Variants in DNAH9 observed in about 807,000 individuals in gnomAD.
The protein encoded by DNAH9 is dynein axonemal heavy chain 9.
DNAH9 carries 345 observed loss-of-function variants against 471.6 expected under a neutral mutation model. The ratio of observed to expected loss-of-function variants is 0.73; its 90% CI spans 0.67 to 0.80. The LOEUF (loss-of-function observed/expected upper bound fraction) is 0.80, where lower values mean the gene tolerates loss of function less well. Among genes scored for constraint, DNAH9 ranks in the 30% least tolerant of loss-of-function variants. The probability of loss-of-function intolerance (pLI) is 0.00; values close to 1 mark genes in which losing one functional copy is unlikely to be tolerated. For synonymous variants in DNAH9, 2,093 were observed against 2,123.6 expected (o/e 0.99, Z 0.40); for missense variants, 5,407 against 5,609.2 (o/e 0.96, Z 1.15).
intron 14 of DNAH9, among the ~76,000 whole-genome samples, chr17:11,654,500 G>A (rs1284956057): frequency 6.6e-6 from 1 of 151,300 alleles, no homozygotes. Context: ...AAAAAATTCA[G>A]ACAAATCACA....
At chr17:11,889,830 C>T (rs1972995498) in intron 57 of DNAH9, among the ~76,000 whole-genome samples, 1 of 152,082 alleles carries the variant, frequency 6.6e-6, no homozygotes, top group Non-Finnish European at 1.5e-5. Flanking sequence ...ATTACAAAAG[C>T]CGATGAGTAT....
In DNAH9 at chr17:11,854,214, C is replaced by A; in HGVS notation, c.9719C>A (p.Ala3240Asp). 6.2e-7 allele frequency: 1 copy of A among 1,614,208 alleles called. No individual in the cohort carries two copies. The highest frequency in any genetic ancestry group is 8.5e-7 in the Non-Finnish European group (1 of 1,180,046). Reference sequence around the variant, plus strand: ...AACATTCACGAGAACTGCCTCAAAGCCATCAGGCCGTATCTGCAAGACCCC... The same window carrying A: ...AACATTCACGAGAACTGCCTCAAAGACATCAGGCCGTATCTGCAAGACCCC... ...KENIHENCLK[A>D]IRPYLQDPEF... Residue 3240 changes from alanine (A) to aspartate (D), a missense_variant, in exon 50 of 69, where the codon GCC becomes GAC. Ala to Asp is a moderately radical substitution (Grantham distance 126). This residue lies in a region of DNAH9 where 4,636 missense variants were observed against 4,900.3 expected (regional missense o/e 0.95). Transcript: ENST00000262442.
rs199556282 is a variant in DNAH9, at chr17:11,784,551, G to A, written c.8061+12G>A. ...CCAACATTTTCCAGGTGAGTTCATC[G>A]GCTCCGAGACACCCTAGGGGCTTAG... On this transcript the variant is annotated intron_variant, in intron 41 of 68. Coordinates refer to ENST00000262442, the MANE Select transcript of DNAH9 (RefSeq NM_001372.4). 9.2e-5 allele frequency: 148 copies of A among 1,614,008 alleles called. No homozygotes were observed. Among genetic ancestry groups the A allele is most frequent in the Non-Finnish European group, 1.2e-4 (139 of 1,180,006 alleles).
chr17:11,720,386 T>A lies in DNAH9; in HGVS notation c.5709+896T>A, dbSNP rs574866085. On this transcript the variant is annotated intron_variant, in intron 27 of 68. Transcript: ENST00000262442. ...TTATATTAGTTGTATCTCCTAATGC[T>A]ATCCCTCCCCGCTTCCCCCACCCCA... Among the ~76,000 whole-genome samples, 11 of 152,306 alleles carry A rather than the reference T, an allele frequency of 7.2e-5. No homozygotes were observed. In the South Asian group the frequency reaches 8.3e-4, roughly 11 times the overall value.
At chr17:11,723,593 A>G (rs1409802472) in intron 27 of DNAH9, 1 of 152,102 alleles carries the variant, frequency 6.6e-6, no homozygotes, top group African/African-American at 2.4e-5. Flanking sequence ...CCTTTATTTT[A>G]TGTTTTGAGT....
At chr17:11,794,036 A>ATT (rs35741238) in intron 42 of DNAH9, among the ~76,000 whole-genome samples, 3,458 of 80,892 alleles carry the variant, frequency 0.043, 471 homozygotes, top group African/African-American at 0.16. Context: ...ATTTTGAGCA[A>ATT]TTTTTTTTTT....
intron 59 of DNAH9, among the ~76,000 whole-genome samples, chr17:11,898,034 C>T (rs954156190): frequency 6.6e-6 from 1 of 152,184 alleles, no homozygotes; most frequent in African/African-American, 2.4e-5. Flanking sequence ...AGCATAACTC[C>T]AGGGTCTGTC....
intron 57 of DNAH9, among the ~76,000 whole-genome samples, chr17:11,891,262 T>C (rs574751228): frequency 6.4e-4 from 98 of 152,360 alleles, no homozygotes; most frequent in Admixed American, 2.2e-3. Flanking sequence ...CTTATAGCTA[T>C]GTAATAATTC....
intron 14 of DNAH9, among the ~76,000 whole-genome samples, chr17:11,655,364 G>A (rs943487151): frequency 6.7e-6 from 1 of 149,288 alleles, no homozygotes; most frequent in Non-Finnish European, 1.5e-5. Flanking sequence ...GTGTGTGTGT[G>A]TGTGTGTGTG....
At chr17:11,756,105 G>A (rs887379159) in intron 33 of DNAH9, among the ~76,000 whole-genome samples, 3 of 151,936 alleles carry the variant, frequency 2.0e-5, no homozygotes, top group Non-Finnish European at 4.4e-5. Flanking sequence ...GCGAAACCCC[G>A]TCTCTACAAA....
chr17:11,673,607 T>G (rs2074004646), intron 17 of DNAH9, among the ~76,000 whole-genome samples: 3 of 151,802 alleles, frequency 2.0e-5, no homozygotes, highest in East Asian at 1.9e-4. Context: ...ATTTGTTTTT[T>G]TTTTTTTTTT....
At chr17:11,696,088 C>A (rs1450711806) in intron 22 of DNAH9, among the ~76,000 whole-genome samples, 1 of 152,196 alleles carries the variant, frequency 6.6e-6, no homozygotes, top group Non-Finnish European at 1.5e-5. Flanking sequence ...CACGTCTGTT[C>A]CACCCACTAT....
chr17:11,673,560 C>A (rs2074002935), intron 17 of DNAH9, among the ~76,000 whole-genome samples: 1 of 150,910 alleles, frequency 6.6e-6, no homozygotes, highest in African/African-American at 2.4e-5. Context: ...TTTGTATGCA[C>A]TCCTTTACAG....
In DNAH9 at chr17:11,632,654, TC is replaced by T; in HGVS notation, c.1587del (p.Phe530LeufsTer18). On this transcript the variant is annotated frameshift_variant, in exon 8 of 69. Transcript: ENST00000262442. LOFTEE classifies it high-confidence loss of function. ...GATCTTGACCGAAGATTGGGGACTA[TC>T]TTTATTCAAGCTTTTGATGATGCAC... is the stretch of plus-strand genomic sequence containing the variant. ...VEDLDRRLGT[I>X]FIQAFDDAPG... 1 of 1,612,220 alleles carries T rather than the reference TC, an allele frequency of 6.2e-7. No homozygotes were observed. Among genetic ancestry groups the T allele is most frequent in the Non-Finnish European group, 8.5e-7 (1 of 1,178,270 alleles).
intron 17 of DNAH9, among the ~76,000 whole-genome samples, chr17:11,679,097 T>A (rs2074093109): frequency 6.6e-6 from 1 of 152,216 alleles, no homozygotes; most frequent in Non-Finnish European, 1.5e-5. Context: ...ATTTTTCACA[T>A]TTTAAGCCTT....
chr17:11,901,448 C>T (rs1163249310), intron 59 of DNAH9, among the ~76,000 whole-genome samples: 2 of 152,190 alleles, frequency 1.3e-5, no homozygotes, highest in Non-Finnish European at 2.9e-5. Flanking sequence ...GTAATCCCAA[C>T]TCTTTGGGAG....
intron 29 of DNAH9, among the ~76,000 whole-genome samples, chr17:11,741,683 T>C (rs2075435167): frequency 1.3e-5 from 2 of 152,178 alleles, no homozygotes; most frequent in South Asian, 4.1e-4. Flanking sequence ...TTCAAATAAG[T>C]ACAGGATAAG....
intron 26 of DNAH9, among the ~76,000 whole-genome samples, chr17:11,713,063 C>T (rs944787998): frequency 6.6e-6 from 1 of 152,060 alleles, no homozygotes; most frequent in Non-Finnish European, 1.5e-5. Context: ...TCACCCACCC[C>T]ACCAAGTAGA....
At chr17:11,951,895 C>T (rs1369150495) in intron 67 of DNAH9, among the ~76,000 whole-genome samples, 1 of 150,472 alleles carries the variant, frequency 6.6e-6, no homozygotes, top group Non-Finnish European at 1.5e-5. Flanking sequence ...TGCACTCTAG[C>T]CTGGGTGACA....
Sources: gnomAD v4.1 joint callset for allele counts (sites outside exome capture counted in the v4.1 genomes callset) on GRCh38, gnomAD v4.1.1 for gene constraint, gnomAD v4.1.1 regional missense constraint, MANE v1.5 for transcripts, NCBI Gene and HGNC (gene_info 2026-07-23, HGNC 2026-07-21) for gene names.